CBL: variants seen among roughly 807,000 people sequenced by gnomAD.
CBL encodes the protein E3 ubiquitin-protein ligase CBL.
In CBL, 45 loss-of-function variants were observed where a neutral mutation model predicts 96.9. That is an observed-to-expected ratio of 0.46 (90% CI 0.37 to 0.60). CBL has a LOEUF of 0.60. CBL is among the 20% of genes least tolerant of loss of function. The pLI is 0.00. For missense variants in CBL, 1,024 were observed against 1,143.5 expected (o/e 0.90, Z 1.51); for synonymous variants, 420 against 426.8 (o/e 0.98, Z 0.20).
intron 1 of CBL, among the ~76,000 whole-genome samples, chr11:119,224,117 A>C (rs1378906970): frequency 6.6e-6 from 1 of 152,222 alleles, no homozygotes; most frequent in Admixed American, 6.5e-5. Context: ...ATGAACTTTA[A>C]GAGGTGACAT....
intron 1 of CBL, among the ~76,000 whole-genome samples, chr11:119,215,821 TGTC>T (rs1490421929): frequency 1.3e-5 from 2 of 151,902 alleles, no homozygotes; most frequent in African/African-American, 4.8e-5. Context: ...AGCTAGACTC[TGTC>T]TCAAAAAAGA....
chr11:119,287,833 A>T lies in CBL; in HGVS notation c.1942-19A>T. On this transcript the variant is annotated intron_variant, in intron 11 of 15. Transcript: ENST00000264033. ...TGTGGTAAGAAAGTTGTTTTTCAAC[A>T]CTTTTCTTTACTTTCCAGAGTATGA... The T allele has an allele frequency of 6.4e-7, 1 of 1,552,684 alleles. No individual in the cohort carries two copies. The highest frequency in any genetic ancestry group is 8.9e-7 in the Non-Finnish European group (1 of 1,123,846).
chr11:119,303,106 C>G lies in CBL; in HGVS notation c.*3325C>G. 4.3e-6 allele frequency: 1 copy of G among 231,940 alleles called. No homozygotes were observed. Among genetic ancestry groups the G allele is most frequent in the Non-Finnish European group, 8.5e-6 (1 of 116,960 alleles). The allele number at this position is 231,940 out of a possible 1,614,324, so 14.4% of individuals were successfully genotyped here. A position where few individuals can be genotyped will look rare whatever the true frequency, so the allele number is the denominator to read the frequency against. The stretch of plus-strand genomic sequence containing the variant: ...TGTTTATGGTCCCAAACAGTCAACT[C>G]ACAAATTTTTATAACAAAATTTCCT... On this transcript the variant is annotated 3_prime_UTR_variant, in exon 16 of 16. Coordinates refer to ENST00000264033, the MANE Select transcript of CBL (RefSeq NM_005188.4).
intron 1 of CBL, among the ~76,000 whole-genome samples, chr11:119,209,503 C>T (rs927499738): frequency 2.6e-5 from 4 of 152,028 alleles, no homozygotes; most frequent in Non-Finnish European, 5.9e-5. Flanking sequence ...CCTGTAATCC[C>T]AGCTACTTGG....
intron 2 of CBL, among the ~76,000 whole-genome samples, chr11:119,270,241 CTTTT>C (rs768214554): frequency 1.7e-5 from 2 of 119,816 alleles, no homozygotes; most frequent in African/African-American, 3.1e-5. Flanking sequence ...TGTGTGACAT[CTTTT>C]TTTTTTTTTT....
In CBL at chr11:119,299,657, G is replaced by A. The variant is rs1250041558; in HGVS notation, c.2597G>A (p.Ser866Asn). Residue 866 changes from serine to asparagine, a missense_variant, in exon 16 of 16, where the codon AGT becomes AAT. This residue lies in a region of CBL where 695 missense variants were observed against 661.6 expected (regional missense o/e 1.05). Transcript: ENST00000264033. The part of the protein sequence containing the change: ...QLSSEIENLM[S>N]QGYSYQDIQK... Reference sequence around the variant, plus strand: ...TCCAGTGAGATCGAGAACCTCATGAGTCAGGGGTACTCCTACCAGGACATC... The same window carrying A: ...TCCAGTGAGATCGAGAACCTCATGAATCAGGGGTACTCCTACCAGGACATC... 3.7e-6 allele frequency: 6 copies of A among 1,614,050 alleles called. No individual in the cohort carries two copies. Among genetic ancestry groups the A allele is most frequent in the African/African-American group, 1.3e-5 (1 of 74,922 alleles).
At chr11:119,283,625 CTTTTTTTTTTTTTTTTTT>C (rs398017760) in intron 9 of CBL, among the ~76,000 whole-genome samples, 2 of 45,512 alleles carry the variant, frequency 4.4e-5, no homozygotes, top group Admixed American at 7.1e-4. Flanking sequence ...TTAATTCTTT[CTTTTTTTTTTTTTTTTTT>C]TTTTTTTTTT....
intron 2 of CBL, among the ~76,000 whole-genome samples, chr11:119,244,572 GC>G (rs1251294194): frequency 9.9e-6 from 1 of 101,354 alleles, no homozygotes; most frequent in Non-Finnish European, 2.0e-5. Flanking sequence ...ATGCTACCAT[GC>G]CCGGCTAATT....
At chr11:119,230,342 C>T (rs1949492865) in intron 1 of CBL, among the ~76,000 whole-genome samples, 1 of 151,980 alleles carries the variant, frequency 6.6e-6, no homozygotes, top group Admixed American at 6.6e-5. Context: ...TTAGTAGAGA[C>T]GGGGTTTCAC....
In CBL at chr11:119,302,804, T is replaced by C. The variant is rs549910278; in HGVS notation, c.*3023T>C. On this transcript the variant is annotated 3_prime_UTR_variant, in exon 16 of 16. Transcript: ENST00000264033. ...CCAGGCAGCTTCTCATCTCAGCATTTACCTGTTAATATTTTTGTGAATAGT... is the reference window on the plus strand; with the variant it reads ...CCAGGCAGCTTCTCATCTCAGCATTCACCTGTTAATATTTTTGTGAATAGT... 1 of 230,580 alleles carries C rather than the reference T, an allele frequency of 4.3e-6. No individual in the cohort carries two copies. Among genetic ancestry groups the C allele is most frequent in the East Asian group, 6.2e-5 (1 of 16,238 alleles). 14.3% of individuals were successfully genotyped at this position (230,580 alleles called of 1,614,324 possible). A position where few individuals can be genotyped will look rare whatever the true frequency, so the allele number is the denominator to read the frequency against.
At chr11:119,208,680 T>A (rs934820158) in intron 1 of CBL, among the ~76,000 whole-genome samples, 5 of 152,124 alleles carry the variant, frequency 3.3e-5, no homozygotes, top group African/African-American at 1.2e-4. Context: ...TGTGAGCCAC[T>A]GGGCCTGGCC....
At chr11:119,216,883 G>T (rs970444764) in intron 1 of CBL, among the ~76,000 whole-genome samples, 1 of 152,028 alleles carries the variant, frequency 6.6e-6, no homozygotes, top group Non-Finnish European at 1.5e-5. Context: ...CGGTTACTCC[G>T]AGAAGGTTGG....
At chr11:119,287,621 A>G (rs1328781220) in intron 11 of CBL, among the ~76,000 whole-genome samples, 1 of 152,194 alleles carries the variant, frequency 6.6e-6, no homozygotes, top group Non-Finnish European at 1.5e-5. Flanking sequence ...GAATTAAACC[A>G]AAAAGTTCAT....
At chr11:119,225,831 G>A (rs950085715) in intron 1 of CBL, among the ~76,000 whole-genome samples, 1 of 138,632 alleles carries the variant, frequency 7.2e-6, no homozygotes, top group Non-Finnish European at 1.5e-5. Flanking sequence ...GGGTTCAACC[G>A]ATTCTTCTGC....
chr11:119,264,661 T>C, intron 2 of CBL, among the ~76,000 whole-genome samples: 1 of 150,606 alleles, frequency 6.6e-6, no homozygotes, highest in East Asian at 2.0e-4. Context: ...TTTGTTTTTT[T>C]TGTAGAGACG....
intron 2 of CBL, among the ~76,000 whole-genome samples, chr11:119,271,102 A>T (rs2511857): frequency 0.69 from 104,532 of 152,148 alleles, 37,915 homozygotes; most frequent in East Asian, 0.92. Context: ...AAATTCTTTT[A>T]ATTAAGACTT....
intron 2 of CBL, among the ~76,000 whole-genome samples, chr11:119,250,550 T>C (rs1206887635): frequency 1.3e-5 from 2 of 152,206 alleles, no homozygotes; most frequent in African/African-American, 4.8e-5. Context: ...TTTCTAGTGC[T>C]GAGACATGAA....
At chr11:119,280,044 G>A (rs1046649877) in intron 9 of CBL, among the ~76,000 whole-genome samples, 2 of 152,150 alleles carry the variant, frequency 1.3e-5, no homozygotes, top group Non-Finnish European at 2.9e-5. Flanking sequence ...AAGAAGTAAA[G>A]GAACACACTT....
At chr11:119,250,279 G>T (rs1396686818) in intron 2 of CBL, among the ~76,000 whole-genome samples, 1 of 152,030 alleles carries the variant, frequency 6.6e-6, no homozygotes, top group Non-Finnish European at 1.5e-5. Context: ...TTCCTCTCTT[G>T]TCCTTGTGTG....
Sources: gnomAD v4.1 joint callset for allele counts (sites outside exome capture counted in the v4.1 genomes callset) on GRCh38, gnomAD v4.1.1 for gene constraint, gnomAD v4.1.1 regional missense constraint, MANE v1.5 for transcripts, NCBI Gene and HGNC (gene_info 2026-07-23, HGNC 2026-07-21) for gene names.